Variants in PRTFDC1 observed in about 807,000 individuals in gnomAD.
PRTFDC1 encodes phosphoribosyl transferase domain containing 1, also known as phosphoribosyltransferase domain-containing protein 1.
PRTFDC1 carries 38 observed loss-of-function variants against 34.6 expected under a neutral mutation model. The observed-to-expected ratio is 1.10, with a 90% CI of 0.85 to 1.44. The LOEUF is 1.44. Ranked by LOEUF, PRTFDC1 falls within the 40% of genes most tolerant of loss-of-function variation. PRTFDC1 has a pLI of 0.00. For synonymous variants in PRTFDC1, 93 were observed against 98.1 expected, an observed-to-expected ratio of 0.95 and a Z score of 0.31; for missense variants, 270 against 283.0, an observed-to-expected ratio of 0.95 and a Z score of 0.33.
intron 4 of PRTFDC1, among the ~76,000 whole-genome samples, chr10:24,865,752 C>T (rs1847763788): frequency 6.6e-6 from 1 of 152,230 alleles, no homozygotes; most frequent in South Asian, 2.1e-4. Flanking sequence ...TTGCACACCA[C>T]ACCGTCTCAT....
chr10:24,908,662 T>A, intron 3 of PRTFDC1: 1 of 1,610,040 alleles, frequency 6.2e-7, no homozygotes, highest in South Asian at 1.1e-5. Context: ...CACAGATGGT[T>A]GTCCTCTTCA....
intron 3 of PRTFDC1, among the ~76,000 whole-genome samples, chr10:24,879,343 CTGA>C (rs2132522254): frequency 6.6e-6 from 1 of 151,384 alleles, no homozygotes; most frequent in East Asian, 1.9e-4. Context: ...GTTGTATTTG[CTGA>C]TTTTTTTTTT....
At chr10:24,869,025 T>G (rs1190263670) in intron 4 of PRTFDC1, among the ~76,000 whole-genome samples, 1 of 152,258 alleles carries the variant, frequency 6.6e-6, no homozygotes, top group East Asian at 1.9e-4. Flanking sequence ...TGTCTATTAT[T>G]GCTATGTGTT....
intron 5 of PRTFDC1, among the ~76,000 whole-genome samples, 176 bp from the exon 6 acceptor site, chr10:24,857,171 G>A (rs1310860273): frequency 6.6e-6 from 1 of 152,172 alleles, no homozygotes; most frequent in Non-Finnish European, 1.5e-5. Context: ...CTTCTTTCTG[G>A]AAGCTGAGTT....
At chr10:24,944,303 A>G (rs906626241) in intron 1 of PRTFDC1, among the ~76,000 whole-genome samples, 13 of 152,192 alleles carry the variant, frequency 8.5e-5, no homozygotes, top group Admixed American at 7.8e-4. Context: ...CACAGCAGAA[A>G]ACTATCTTCA....
intron 3 of PRTFDC1, among the ~76,000 whole-genome samples, chr10:24,909,351 T>C (rs1291511120): frequency 6.6e-6 from 1 of 152,260 alleles, no homozygotes; most frequent in African/African-American, 2.4e-5. Context: ...CATATGTGGC[T>C]ATAAGCTATC....
At chr10:24,905,451 A>G (rs967697615) in intron 3 of PRTFDC1, among the ~76,000 whole-genome samples, 12 of 150,776 alleles carry the variant, frequency 8.0e-5, no homozygotes, top group Admixed American at 3.3e-4. Flanking sequence ...TCTCCCGAGT[A>G]GCTGGGATTG....
At chr10:24,908,541 G>A in intron 3 of PRTFDC1, 1 of 1,612,726 alleles carries the variant, frequency 6.2e-7, no homozygotes, top group Non-Finnish European at 8.5e-7. Flanking sequence ...AACCGGATGT[G>A]GAAACAGGGA....
At position 24,914,493 on chromosome 10, in the gene PRTFDC1, T is replaced by G. The variant is rs1848667096; in HGVS notation, c.339+22691A>C. 2.0e-5 allele frequency among the ~76,000 whole-genome samples: 3 copies of G among 152,160 alleles called. No individual in the cohort carries two copies. In the South Asian group the frequency reaches 6.2e-4, roughly 32 times the overall value. On this transcript the variant is annotated intron_variant, in intron 3 of 8. Coordinates refer to ENST00000320152, the MANE Select transcript of PRTFDC1 (RefSeq NM_020200.7). Reference sequence around the variant, plus strand: ...GGTGAGCTTAAGGCCATTTTGTGCCTCACAAAGATGTACTTCTTGGCATCT... The same window carrying G: ...GGTGAGCTTAAGGCCATTTTGTGCCGCACAAAGATGTACTTCTTGGCATCT...
chr10:24,881,186 C>T (rs540277306), intron 3 of PRTFDC1, among the ~76,000 whole-genome samples: 2 of 151,794 alleles, frequency 1.3e-5, no homozygotes, highest in African/African-American at 4.8e-5. Flanking sequence ...CCCACTTCAG[C>T]CCCCCAAGTA....
At chr10:24,951,227 C>A (rs73606600) in intron 1 of PRTFDC1, among the ~76,000 whole-genome samples, 7,352 of 152,160 alleles carry the variant, frequency 0.048, 366 homozygotes, top group African/African-American at 0.12. Flanking sequence ...ATCACTCCCC[C>A]CTTCTCCTCC....
chr10:24,908,732 T>C (rs2132564513), intron 3 of PRTFDC1: 3 of 1,526,978 alleles, frequency 2.0e-6, no homozygotes, highest in Non-Finnish European at 2.6e-6. Flanking sequence ...AGGAGACACC[T>C]ACCTAGCCAG....
chr10:24,920,748 T>C (rs969722722), intron 3 of PRTFDC1, among the ~76,000 whole-genome samples: 3 of 152,192 alleles, frequency 2.0e-5, no homozygotes, highest in African/African-American at 7.2e-5. Context: ...GTATTCTGCA[T>C]AGAGTAGTCT....
intron 3 of PRTFDC1, among the ~76,000 whole-genome samples, chr10:24,912,061 G>T (rs184898037): frequency 5.9e-5 from 9 of 151,912 alleles, no homozygotes; most frequent in Admixed American, 2.6e-4. Context: ...TTGAGGTCAG[G>T]AGTTCAAGAC....
At chr10:24,885,037 A>G (rs1038112784) in intron 3 of PRTFDC1, among the ~76,000 whole-genome samples, 2 of 152,170 alleles carry the variant, frequency 1.3e-5, no homozygotes, top group South Asian at 2.1e-4. Flanking sequence ...AGCAGATACC[A>G]TGTCTGCCTG....
intron 3 of PRTFDC1, chr10:24,908,490 C>T (rs987748171): frequency 2.5e-6 from 4 of 1,610,892 alleles, no homozygotes; most frequent in African/African-American, 2.7e-5. Flanking sequence ...GTACACCTCA[C>T]TGGATCTCAG....
At chr10:24,889,119 A>G (rs187824093) in intron 3 of PRTFDC1, among the ~76,000 whole-genome samples, 1 of 152,256 alleles carries the variant, frequency 6.6e-6, no homozygotes, top group Non-Finnish European at 1.5e-5. Flanking sequence ...ATGAAGGCTG[A>G]GCCCTTGTGA....
intron 3 of PRTFDC1, among the ~76,000 whole-genome samples, chr10:24,912,297 A>AAG (rs1848638672): frequency 7.3e-6 from 1 of 137,802 alleles, no homozygotes; most frequent in Non-Finnish European, 1.5e-5. Context: ...AAAAAAAAAG[A>AAG]AAGAAATTGC....
intron 2 of PRTFDC1, among the ~76,000 whole-genome samples, chr10:24,940,074 G>T (rs1250958485): frequency 1.3e-5 from 2 of 152,106 alleles, no homozygotes; most frequent in Non-Finnish European, 2.9e-5. Flanking sequence ...TAATAGAACT[G>T]CAAGGAGAAA....
Sources: gnomAD v4.1 joint callset for allele counts (sites outside exome capture counted in the v4.1 genomes callset) on GRCh38, gnomAD v4.1.1 for gene constraint, MANE v1.5 for transcripts, NCBI Gene and HGNC (gene_info 2026-07-23, HGNC 2026-07-21) for gene names.